BMP6: variants seen among roughly 807,000 people sequenced by gnomAD.
BMP6 encodes the protein bone morphogenetic protein 6.
Under a neutral mutation model 54.1 loss-of-function variants are expected in BMP6, and 17 were observed. That is an observed-to-expected ratio of 0.31 (90% CI 0.22 to 0.47). The LOEUF (loss-of-function observed/expected upper bound fraction) is 0.47, where lower values mean the gene tolerates loss of function less well. Among genes scored for constraint, BMP6 ranks in the 20% least tolerant of loss-of-function variants. BMP6 has a pLI of 1.00. For synonymous variants in BMP6, 328 were observed against 291.2 expected, an observed-to-expected ratio of 1.13 and a Z score of -1.28; for missense variants, 720 against 690.4, an observed-to-expected ratio of 1.04 and a Z score of -0.48.
intron 1 of BMP6, among the ~76,000 whole-genome samples, chr6:7,795,574 G>C (rs941462801): frequency 6.6e-6 from 1 of 152,184 alleles, no homozygotes; most frequent in African/African-American, 2.4e-5. Context: ...GCCATTGAGG[G>C]AGTTTAATCA....
At chr6:7,871,847 C>A (rs947771546) in intron 4 of BMP6, among the ~76,000 whole-genome samples, 1 of 152,130 alleles carries the variant, frequency 6.6e-6, no homozygotes, top group Non-Finnish European at 1.5e-5. Context: ...GTGTCACAGG[C>A]GCATGTGGAC....
intron 1 of BMP6, among the ~76,000 whole-genome samples, chr6:7,800,858 T>G (rs977363724): frequency 6.7e-6 from 1 of 149,090 alleles, no homozygotes; most frequent in African/African-American, 2.5e-5. Flanking sequence ...GATTTGTCAT[T>G]TGAACTGGCT....
intron 1 of BMP6, among the ~76,000 whole-genome samples, chr6:7,840,610 C>A (rs1253518426): frequency 6.6e-6 from 1 of 151,986 alleles, no homozygotes; most frequent in Non-Finnish European, 1.5e-5. Flanking sequence ...TTTTATAAAG[C>A]TTCGTTTGTT....
intron 1 of BMP6, among the ~76,000 whole-genome samples, chr6:7,829,562 T>C (rs1758756059): frequency 6.6e-6 from 1 of 152,048 alleles, no homozygotes; most frequent in Non-Finnish European, 1.5e-5. Flanking sequence ...AAACATTAGC[T>C]ATGCATGGCA....
At chr6:7,756,920 C>A (rs1757523222) in intron 1 of BMP6, among the ~76,000 whole-genome samples, 1 of 152,168 alleles carries the variant, frequency 6.6e-6, no homozygotes, top group South Asian at 2.1e-4. Context: ...TCCCATAGTT[C>A]TTTCCTTGCC....
chr6:7,835,174 G>A (rs1428367644), intron 1 of BMP6, among the ~76,000 whole-genome samples: 1 of 152,204 alleles, frequency 6.6e-6, no homozygotes, highest in African/African-American at 2.4e-5. Context: ...CCAGGCTGGA[G>A]TGCAGTGGCA....
At chr6:7,802,345 A>G (rs571081033) in intron 1 of BMP6, among the ~76,000 whole-genome samples, 64 of 152,208 alleles carry the variant, frequency 4.2e-4, no homozygotes, top group Non-Finnish European at 8.2e-4. Flanking sequence ...AGCACCAGCT[A>G]TGATGGTAAT....
intron 1 of BMP6, among the ~76,000 whole-genome samples, chr6:7,837,497 C>A (rs1758892837): frequency 6.6e-6 from 1 of 152,114 alleles, no homozygotes; most frequent in Non-Finnish European, 1.5e-5. Context: ...TTCGCTGCAA[C>A]CTGGATGGGG....
intron 1 of BMP6, among the ~76,000 whole-genome samples, chr6:7,777,484 A>G (rs1375293951): frequency 1.3e-5 from 2 of 152,182 alleles, no homozygotes; most frequent in African/African-American, 4.8e-5. Context: ...CTCTGGCTCC[A>G]GTATGGGGAC....
chr6:7,733,985 C>T (rs1289518760), intron 1 of BMP6, among the ~76,000 whole-genome samples: 1 of 152,162 alleles, frequency 6.6e-6, no homozygotes, highest in Non-Finnish European at 1.5e-5. Context: ...TTACTACAAG[C>T]ATTAGAAATC....
At position 7,880,360 on chromosome 6, in the gene BMP6, G is replaced by A; in HGVS notation, c.*17G>A. The A allele has an allele frequency of 2.5e-6, 4 of 1,613,582 alleles. No homozygotes were observed. The highest frequency in any genetic ancestry group is 3.4e-6 in the Non-Finnish European group (4 of 1,179,604). On this transcript the variant is annotated 3_prime_UTR_variant, in exon 7 of 7. Transcript: ENST00000283147. ...TGCCACTAACTCGAAACCAGATGCT[G>A]GGGACACACATTCTGCCTTGGATTC...
chr6:7,780,503 C>G (rs902830331), intron 1 of BMP6, among the ~76,000 whole-genome samples: 1 of 151,564 alleles, frequency 6.6e-6, no homozygotes, highest in Non-Finnish European at 1.5e-5. Flanking sequence ...GAGCCGAGAT[C>G]GCGCCATTGC....
intron 5 of BMP6, 25 bp from the exon 6 acceptor site, chr6:7,879,966 G>A (rs757984915): frequency 1.9e-6 from 3 of 1,601,448 alleles, no homozygotes; most frequent in Non-Finnish European, 2.6e-6. Flanking sequence ...CTCATCTTTT[G>A]TTGCTTCCTT....
At position 7,862,280 on chromosome 6, in the gene BMP6, A is replaced by G. The variant is rs769333632; in HGVS notation, c.1007-21A>G. 5 of 1,613,158 alleles carry G rather than the reference A, an allele frequency of 3.1e-6. No individual in the cohort carries two copies. In the African/African-American group the frequency reaches 5.3e-5, roughly 17 times the overall value. On this transcript the variant is annotated intron_variant, in intron 3 of 6. Coordinates refer to ENST00000283147, the MANE Select transcript of BMP6 (RefSeq NM_001718.6). ...AAGTTTCTGTGGAATAAAGAGATGC[A>G]TGCTTTGATTTGCATTAAAGGAGTC... is the stretch of plus-strand genomic sequence containing the variant.
chr6:7,764,295 TGGA>T (rs1186161772), intron 1 of BMP6, among the ~76,000 whole-genome samples: 5 of 152,342 alleles, frequency 3.3e-5, no homozygotes, highest in Non-Finnish European at 5.9e-5. Context: ...TGCCTTTTTC[TGGA>T]GGTGGTGGAA....
intron 1 of BMP6, among the ~76,000 whole-genome samples, chr6:7,820,959 A>ACAGGAGGTGGAGCT (rs1304957761): frequency 2.0e-5 from 3 of 152,194 alleles, no homozygotes; most frequent in Non-Finnish European, 4.4e-5. Flanking sequence ...GGCTAATCTG[A>ACAGGAGGTGGAGCT]CAGGAGGTGG....
In BMP6 at chr6:7,813,667, AAACCC is replaced by A. The variant is rs1561780312; in HGVS notation, c.665-31471_665-31467del. ...CAAAAAAAAAAAAAAAAAAAAAAAA[AAACCC>A]ACCAAACCCAGTATAGAAAATATAT... On this transcript the variant is annotated intron_variant, in intron 1 of 6. Transcript: ENST00000283147. Among the ~76,000 whole-genome samples the A allele has an allele frequency of 1.7e-4, 11 of 66,090 alleles. 3 individuals carry two copies. The highest frequency in any genetic ancestry group is 1.2e-3 in the South Asian group (2 of 1,726). 43.4% of individuals were successfully genotyped at this position (66,090 alleles called of 152,430 possible).
chr6:7,845,243 C>G lies in BMP6; in HGVS notation c.768C>G (p.Phe256Leu). The change falls in exon 2 of 7, where the codon TTC (phenylalanine) becomes TTG (leucine). Residue 256 changes from phenylalanine to leucine, a missense_variant. Phe to Leu is a conservative substitution (Grantham distance 22). Coordinates refer to ENST00000283147, the MANE Select transcript of BMP6 (RefSeq NM_001718.6). ...GTGAGGTGGTGACGGCTGCAGAATT[C>G]CGCATCTACAAGGACTGTGTTATGG... Reference protein sequence around the residue: ...PEGEVVTAAEFRIYKDCVMGS... With the variant: ...PEGEVVTAAELRIYKDCVMGS... The G allele has an allele frequency of 6.2e-7, 1 of 1,614,132 alleles. No individual in the cohort carries two copies. The highest frequency in any genetic ancestry group is 8.5e-7 in the Non-Finnish European group (1 of 1,179,986).
intron 1 of BMP6, among the ~76,000 whole-genome samples, chr6:7,777,603 A>AG (rs1757880098): frequency 6.6e-6 from 1 of 151,760 alleles, no homozygotes; most frequent in Non-Finnish European, 1.5e-5. Flanking sequence ...TTGAGAAGGG[A>AG]GGTGGGAGAG....
Sources: allele counts gnomAD v4.1 joint callset (sites outside exome capture counted in the v4.1 genomes callset), GRCh38; gene constraint gnomAD v4.1.1; transcripts MANE v1.5; gene names NCBI Gene and HGNC (gene_info 2026-07-23, HGNC 2026-07-21).